LGALS14: variants seen among roughly 807,000 people sequenced by gnomAD.
LGALS14 encodes galectin 14, also known as placental protein 13-like.
A neutral mutation model predicts 14.6 loss-of-function variants in LGALS14; 14 were observed. The observed-to-expected ratio is 0.96, with a 90% CI of 0.64 to 1.50. LGALS14 has a LOEUF of 1.50. Ranked by LOEUF, LGALS14 falls within the 40% of genes most tolerant of loss-of-function variation. LGALS14 has a pLI of 0.00. For missense variants in LGALS14, 180 were observed against 172.0 expected (o/e 1.05, Z -0.26); for synonymous variants, 57 against 63.9 (o/e 0.89, Z 0.51).
intron 1 of LGALS14, among the ~76,000 whole-genome samples, chr19:39,705,097 C>G (rs1314759866): frequency 4.6e-5 from 7 of 152,170 alleles, no homozygotes; most frequent in African/African-American, 1.4e-4. Context: ...TCTGATGAAG[C>G]ACCTGTGTGT....
At position 39,706,887 on chromosome 19, in the gene LGALS14, A is replaced by C. The variant is rs148040910; in HGVS notation, c.92+214A>C. Among the ~76,000 whole-genome samples the C allele has an allele frequency of 3.4e-3, 522 of 152,312 alleles. 4 individuals carry two copies. Among genetic ancestry groups the C allele is most frequent in the South Asian group, 0.018 (89 of 4,830 alleles). On this transcript the variant is annotated intron_variant, in intron 2 of 3. Transcript: ENST00000392052. ...CGGAACCTAGGGGAGGAGAACACTCAGTGGGTTTGGGTTGTGGCTCTTTAT... is the reference window on the plus strand; with the variant it reads ...CGGAACCTAGGGGAGGAGAACACTCCGTGGGTTTGGGTTGTGGCTCTTTAT...
At chr19:39,708,745 C>A (rs370011237) in intron 3 of LGALS14, among the ~76,000 whole-genome samples, 2 of 152,316 alleles carry the variant, frequency 1.3e-5, no homozygotes, top group East Asian at 3.9e-4. Flanking sequence ...GCCACTAACA[C>A]CTCAGATGTA....
chr19:39,708,459 G>T (rs1973750831), intron 3 of LGALS14, among the ~76,000 whole-genome samples: 1 of 151,128 alleles, frequency 6.6e-6, no homozygotes, highest in Admixed American at 6.6e-5. Flanking sequence ...AAGATAATTA[G>T]AAAAAAATGA....
chr19:39,706,011 T>C, intron 1 of LGALS14: 2 of 1,613,878 alleles, frequency 1.2e-6, no homozygotes, highest in Non-Finnish European at 1.7e-6. Flanking sequence ...ATGATTGTGG[T>C]GCGTGTACAT....
chr19:39,707,104 G>T, intron 2 of LGALS14, 74 bp from the exon 3 acceptor site: 1 of 1,178,134 alleles, frequency 8.5e-7, no homozygotes, highest in South Asian at 1.3e-5. Context: ...GGGGGGAAGG[G>T]ATTTGTGTGT....
chr19:39,708,478 G>T (rs1308065217), intron 3 of LGALS14, among the ~76,000 whole-genome samples: 1 of 152,022 alleles, frequency 6.6e-6, no homozygotes, highest in African/African-American at 2.4e-5. Context: ...GAAAAAAACA[G>T]CTCAAAAATG....
At chr19:39,706,796 G>A in intron 2 of LGALS14, 123 bp downstream of exon 2, 1 of 842,194 alleles carries the variant, frequency 1.2e-6, no homozygotes, top group Non-Finnish European at 2.0e-6. Context: ...CCTCATGCAA[G>A]TGCAGGCCCT....
intron 1 of LGALS14, chr19:39,706,118 C>T (rs1973711845): frequency 2.1e-6 from 3 of 1,458,640 alleles, no homozygotes; most frequent in Non-Finnish European, 2.8e-6. Flanking sequence ...CTTTCACCCT[C>T]AAGTCTTGTT....
In LGALS14 at chr19:39,709,338, T is replaced by C; in HGVS notation, c.*25T>C. The C allele has an allele frequency of 1.6e-6, 2 of 1,282,588 alleles. No individual in the cohort carries two copies. The highest frequency in any genetic ancestry group is 1.8e-4 in the Middle Eastern group (1 of 5,430). The allele number at this position is 1,282,588 out of a possible 1,614,324, so 79.5% of individuals were successfully genotyped here. ...AGGGAGATGATCAGACTCCTCATTG[T>C]TGAGGAATCCCTCTTTCTACCTGAC... On this transcript the variant is annotated 3_prime_UTR_variant, in exon 4 of 4. Coordinates refer to ENST00000392052, the MANE Select transcript of LGALS14 (RefSeq NM_020129.3).
intron 3 of LGALS14, among the ~76,000 whole-genome samples, chr19:39,707,811 TA>T (rs1201836970): frequency 2.0e-5 from 3 of 152,196 alleles, no homozygotes; most frequent in Admixed American, 2.0e-4. Flanking sequence ...AGAAACTTTT[TA>T]TTTTTTTATT....
chr19:39,709,148 AAC>A (rs1973760426), intron 3 of LGALS14, 47 bp from the exon 4 acceptor site: 1 of 1,179,976 alleles, frequency 8.5e-7, no homozygotes, highest in Non-Finnish European at 1.3e-6. Flanking sequence ...AAGGGCTGAA[AAC>A]CTGTTTGGTG....
At position 39,707,294 on chromosome 19, in the gene LGALS14, G is replaced by A. The variant is rs147170576; in HGVS notation, c.209G>A (p.Gly70Asp). 5.6e-5 allele frequency: 91 copies of A among 1,614,096 alleles called. No homozygotes were observed. In the African/African-American group the frequency reaches 9.9e-4, roughly 17 times the overall value. Reference protein sequence around the residue: ...HPAIMNSCVFGIWRYEEKCYY... With the variant: ...HPAIMNSCVFDIWRYEEKCYY... ...GCAATCATGAACAGTTGTGTGTTTG[G>A]CATATGGAGATATGAGGAGAAATGC... The change falls in exon 3 of 4, where the codon GGC (glycine) becomes GAC (aspartate). Residue 70 changes from glycine (G) to aspartate (D), a missense_variant. Gly to Asp is a moderately conservative substitution (Grantham distance 94). Coordinates refer to ENST00000392052, the MANE Select transcript of LGALS14 (RefSeq NM_020129.3).
intron 1 of LGALS14, among the ~76,000 whole-genome samples, chr19:39,705,216 C>T (rs186688728): frequency 1.5e-4 from 23 of 152,198 alleles, no homozygotes; most frequent in Admixed American, 3.3e-4. Context: ...CGAAATATAT[C>T]ATCAGTAGAT....
At chr19:39,708,438 A>G (rs1442230086) in intron 3 of LGALS14, among the ~76,000 whole-genome samples, 4 of 152,182 alleles carry the variant, frequency 2.6e-5, no homozygotes, top group African/African-American at 9.7e-5. Flanking sequence ...ATTTCCCAAT[A>G]CTTATACTGG....
In LGALS14 at chr19:39,707,045, A is replaced by T. The variant is rs1004604038; in HGVS notation, c.93-133A>T. 54 of 707,398 alleles carry T rather than the reference A, an allele frequency of 7.6e-5. 1 individual carries two copies. In the Admixed American group the frequency reaches 1.2e-3, roughly 15 times the overall value. The allele number at this position is 707,398 out of a possible 1,614,324, so 43.8% of individuals were successfully genotyped here. A position where few individuals can be genotyped will look rare whatever the true frequency, so the allele number is the denominator to read the frequency against. On this transcript the variant is annotated intron_variant, in intron 2 of 3. Transcript: ENST00000392052. ...GCATGAGGAGCTAAAGCGTCCCCAC[A>T]GGGACCAGGACTGCAGTATCATCGG... is the stretch of plus-strand genomic sequence containing the variant.
chr19:39,705,949 C>T, intron 1 of LGALS14: 9 of 1,613,892 alleles, frequency 5.6e-6, no homozygotes, highest in Non-Finnish European at 7.6e-6. Context: ...AGTACTGGGG[C>T]TGTGCTGTCA....
rs1973727262 is a variant in LGALS14 at position 39,707,196 on chromosome 19, G to A, written c.111G>A (p.Glu37=). The change falls in exon 3 of 4, where the codon GAG becomes GAA. Residue 37 remains glutamate, a synonymous_variant. Coordinates refer to ENST00000392052, the MANE Select transcript of LGALS14 (RefSeq NM_020129.3). Reference sequence around the variant, plus strand: ...ACCTCAGCAAGGACCCACAGCTGGAGGTGAATTTCTACACTGGGATGGATG... The same window carrying A: ...ACCTCAGCAAGGACCCACAGCTGGAAGTGAATTTCTACACTGGGATGGATG... The part of the protein sequence containing the change: ...ILTFVKDPQL[E]VNFYTGMDED... 2.5e-6 allele frequency: 4 copies of A among 1,613,878 alleles called. No individual in the cohort carries two copies. The highest frequency in any genetic ancestry group is 2.2e-5 in the South Asian group (2 of 91,076).
At chr19:39,706,478 AG>A in intron 1 of LGALS14, 118 bp from the exon 2 acceptor site, 1 of 728,030 alleles carries the variant, frequency 1.4e-6, no homozygotes, top group South Asian at 1.7e-5. Flanking sequence ...GTAGGGTGAA[AG>A]GGGAGAGGCC....
Position 39,705,834 on chromosome 19 carries a change from G to T in LGALS14, c.16-763G>T. 7 of 1,588,182 alleles carry T rather than the reference G, an allele frequency of 4.4e-6. No individual in the cohort carries two copies. The South Asian group carries it at 7.9e-5, about 18-fold the overall frequency. ...CATATCAGCCTGGGTGACAGAGCAA[G>T]ACCCTATCTCAAAAATACAGAAAAA... On this transcript the variant is annotated intron_variant, in intron 1 of 3. Transcript: ENST00000392052.
Sources: allele counts gnomAD v4.1 joint callset (sites outside exome capture counted in the v4.1 genomes callset), GRCh38; gene constraint gnomAD v4.1.1; transcripts MANE v1.5; gene names NCBI Gene and HGNC (gene_info 2026-07-23, HGNC 2026-07-21).